Variants in DAB2IP observed in about 807,000 individuals in gnomAD.
DAB2IP encodes the protein DAB2 interacting protein.
DAB2IP carries 28 observed loss-of-function variants against 107.2 expected under a neutral mutation model. That is an observed-to-expected ratio of 0.26 (90% CI 0.19 to 0.36). The LOEUF is 0.36. DAB2IP is among the 10% of genes least tolerant of loss of function. DAB2IP has a pLI of 1.00. For missense variants in DAB2IP, 1,400 were observed against 1,644.7 expected (o/e 0.85, Z 2.57); for synonymous variants, 755 against 706.4 (o/e 1.07, Z -1.09).
chr9:121,745,679 C>T (rs1832674603), intron 3 of DAB2IP, among the ~76,000 whole-genome samples: 1 of 152,136 alleles, frequency 6.6e-6, no homozygotes, highest in Admixed American at 6.5e-5. Context: ...GATACATCTT[C>T]AGCAAATTGT....
chr9:121,759,428 C>A (rs1564207037), intron 5 of DAB2IP, among the ~76,000 whole-genome samples: 1 of 152,324 alleles, frequency 6.6e-6, no homozygotes, highest in Non-Finnish European at 1.5e-5. Context: ...TGGGAGCCCC[C>A]ACTGTAATCC....
At chr9:121,726,044 T>G (rs1328384953) in intron 3 of DAB2IP, among the ~76,000 whole-genome samples, 1 of 152,196 alleles carries the variant, frequency 6.6e-6, no homozygotes, top group East Asian at 1.9e-4. Context: ...GTCTACTTAT[T>G]TGCTAATGAG....
At chr9:121,757,112 G>A (rs1400680890) in exon 4 of DAB2IP, 3 of 1,614,214 alleles carry the variant, frequency 1.9e-6, no homozygotes. Flanking sequence ...TGGAGGAAGA[G>A]GTGGTCATCA....
chr9:121,597,425 T>C (rs940683334), intron 1 of DAB2IP, among the ~76,000 whole-genome samples: 7 of 152,204 alleles, frequency 4.6e-5, no homozygotes, highest in Non-Finnish European at 7.3e-5. Flanking sequence ...TTTCCATACC[T>C]GTATGGGTCA....
At chr9:121,588,591 G>T in intron 1 of DAB2IP, among the ~76,000 whole-genome samples, 1 of 71,068 alleles carries the variant, frequency 1.4e-5, no homozygotes, top group African/African-American at 5.1e-5. Flanking sequence ...GAAGGGAAGG[G>T]GGAAGGGGGA....
intron 1 of DAB2IP, among the ~76,000 whole-genome samples, chr9:121,595,240 TA>T (rs879595956): frequency 6.6e-4 from 95 of 144,930 alleles, no homozygotes; most frequent in African/African-American, 7.8e-4. Flanking sequence ...CTCTGCACCT[TA>T]AAAAAAAAAA....
intron 1 of DAB2IP, among the ~76,000 whole-genome samples, chr9:121,592,812 C>T (rs1830443713): frequency 6.6e-6 from 1 of 152,118 alleles, no homozygotes. Context: ...GGCTCTGTCG[C>T]CCCTACAGAT....
chr9:121,706,010 G>A lies in DAB2IP; in HGVS notation c.362+6552G>A, dbSNP rs144825703. ...GGAAAAGCATCCAGCTCCCCCAGTC[G>A]GCTTGGTGACTCCTTCCAGGGTGGC... On this transcript the variant is annotated intron_variant, in intron 3 of 15. Transcript: ENST00000408936. 8.9e-4 allele frequency among the ~76,000 whole-genome samples: 136 copies of A among 152,290 alleles called. 2 individuals are homozygous for A. The highest frequency in any genetic ancestry group is 6.8e-3 in the Middle Eastern group (2 of 294).
At chr9:121,725,974 T>G (rs546608892) in intron 3 of DAB2IP, among the ~76,000 whole-genome samples, 32 of 152,284 alleles carry the variant, frequency 2.1e-4, no homozygotes, top group African/African-American at 6.3e-4. Context: ...CTGGGAAATA[T>G]ATACAGTATT....
chr9:121,655,168 C>T (rs1415039422), intron 1 of DAB2IP, among the ~76,000 whole-genome samples: 1 of 152,070 alleles, frequency 6.6e-6, no homozygotes, highest in Non-Finnish European at 1.5e-5. Context: ...GAAACAGTGA[C>T]CTTCGGAGGG....
intron 2 of DAB2IP, among the ~76,000 whole-genome samples, chr9:121,695,107 C>T (rs935791347): frequency 5.9e-5 from 9 of 151,756 alleles, no homozygotes; most frequent in South Asian, 4.2e-4. Flanking sequence ...CTTTGGGCAT[C>T]GGGAGTCTCA....
At chr9:121,567,311 T>C (rs1829827787) in intron 1 of DAB2IP, 2 of 1,598,244 alleles carry the variant, frequency 1.3e-6, no homozygotes, top group Non-Finnish European at 1.7e-6. Flanking sequence ...GGAATCTGAG[T>C]TGAAGCAGGG....
chr9:121,706,503 G>A (rs1220174504), intron 3 of DAB2IP, among the ~76,000 whole-genome samples: 1 of 152,178 alleles, frequency 6.6e-6, no homozygotes, highest in Non-Finnish European at 1.5e-5. Flanking sequence ...TGATGTGAGA[G>A]CTTGCTTGCA....
chr9:121,745,777 T>C (rs1042044809), intron 3 of DAB2IP, among the ~76,000 whole-genome samples: 4 of 152,178 alleles, frequency 2.6e-5, no homozygotes, highest in Non-Finnish European at 5.9e-5. Flanking sequence ...TTTGGCCCAG[T>C]GCTCCTTCCC....
intron 3 of DAB2IP, among the ~76,000 whole-genome samples, chr9:121,703,913 T>C (rs1829920163): frequency 6.6e-6 from 1 of 152,170 alleles, no homozygotes; most frequent in African/African-American, 2.4e-5. Context: ...CATTATTGCC[T>C]TAAACTTAAG....
Position 121,624,964 on chromosome 9 carries a change from T to C in DAB2IP, c.41-53714T>C, listed in dbSNP as rs570629118. ...AGAGCACGCTGCTATAAACAGGCCT[T>C]CCTGGGCCGGGATCTCGGAGGCTAA... On this transcript the variant is annotated intron_variant, in intron 1 of 16. Coordinates refer to the DAB2IP transcript ENST00000259371. 2.0e-5 allele frequency among the ~76,000 whole-genome samples: 3 copies of C among 152,222 alleles called. No homozygotes were observed. In the South Asian group the frequency reaches 6.2e-4, roughly 32 times the overall value.
chr9:121,700,760 C>G (rs1004043348), intron 3 of DAB2IP, among the ~76,000 whole-genome samples: 1 of 152,160 alleles, frequency 6.6e-6, no homozygotes, highest in Non-Finnish European at 1.5e-5. Flanking sequence ...CCCAGAGCCG[C>G]GCTCTCCAGT....
intron 1 of DAB2IP, among the ~76,000 whole-genome samples, chr9:121,592,382 A>G (rs879530480): frequency 1.5e-4 from 23 of 152,174 alleles, no homozygotes; most frequent in Non-Finnish European, 3.1e-4. Context: ...AAAAAAGAAA[A>G]AAGAAAAATG....
chr9:121,591,093 G>A (rs893117033), intron 1 of DAB2IP, among the ~76,000 whole-genome samples: 5 of 152,208 alleles, frequency 3.3e-5, no homozygotes, highest in Non-Finnish European at 5.9e-5. Flanking sequence ...AGGCTGTGTC[G>A]TGGGAAGAAG....
Sources: gnomAD v4.1 joint callset for allele counts (sites outside exome capture counted in the v4.1 genomes callset) on GRCh38, gnomAD v4.1.1 for gene constraint, MANE v1.5 for transcripts, NCBI Gene and HGNC (gene_info 2026-07-23, HGNC 2026-07-21) for gene names.